The following PID1 variants were observed in gnomAD, a reference collection of about 807,000 sequenced individuals.
PID1 encodes the protein phosphotyrosine interaction domain containing 1.
PID1 carries 10 observed loss-of-function variants against 19.1 expected under a neutral mutation model. The ratio of observed to expected loss-of-function variants is 0.52; its 90% CI spans 0.32 to 0.89. The LOEUF is 0.89. Among genes scored for constraint, PID1 ranks in the 40% least tolerant of loss-of-function variants. PID1 has a pLI of 0.03. For synonymous variants in PID1, 130 were observed against 116.0 expected, an observed-to-expected ratio of 1.12 and a Z score of -0.78; for missense variants, 248 against 285.3, an observed-to-expected ratio of 0.87 and a Z score of 0.94.
chr2:229,087,398 C>A (rs1310040573), intron 2 of PID1, among the ~76,000 whole-genome samples: 1 of 152,154 alleles, frequency 6.6e-6, no homozygotes, highest in African/African-American at 2.4e-5. Context: ...CCAATCTATG[C>A]TGTTAGAAAC....
At chr2:229,163,296 T>C (rs566370132) in intron 1 of PID1, among the ~76,000 whole-genome samples, 1 of 152,294 alleles carries the variant, frequency 6.6e-6, no homozygotes, top group Admixed American at 6.5e-5. Context: ...CCTACACCAA[T>C]TTGGCATTTA....
chr2:229,109,665 T>C lies in PID1; in HGVS notation c.177+46153A>G, dbSNP rs73998554. ...CAGGAAACTGAGATATTGTCTACTT[T>C]TGTTACAATTATTTGACATAATCAT... On this transcript the variant is annotated intron_variant, in intron 2 of 2. Coordinates refer to ENST00000392055, the MANE Select transcript of PID1 (RefSeq NM_001100818.2). 3.1e-3 allele frequency among the ~76,000 whole-genome samples: 465 copies of C among 152,366 alleles called. 5 individuals carry two copies. The highest frequency in any genetic ancestry group is 0.011 in the African/African-American group (443 of 41,582).
chr2:229,094,324 G>A (rs1295551663), intron 2 of PID1, among the ~76,000 whole-genome samples: 2 of 151,990 alleles, frequency 1.3e-5, no homozygotes, highest in Non-Finnish European at 2.9e-5. Context: ...CCATCCCATG[G>A]CCATGGATTA....
At chr2:229,179,024 C>A (rs1248435359) in intron 1 of PID1, among the ~76,000 whole-genome samples, 1 of 152,148 alleles carries the variant, frequency 6.6e-6, no homozygotes, top group African/African-American at 2.4e-5. Context: ...ATCCCTTTAA[C>A]CACTAACTCT....
intron 1 of PID1, among the ~76,000 whole-genome samples, chr2:229,160,803 A>C (rs913292549): frequency 3.3e-5 from 5 of 152,186 alleles, no homozygotes; most frequent in African/African-American, 4.8e-5. Flanking sequence ...AGGGAAATAA[A>C]ATGTGGATTG....
rs1693373872 is a variant in PID1, at chr2:229,024,765, C to G, written c.*867G>C. The G allele has an allele frequency of 6.6e-6, 1 of 152,618 alleles. No homozygotes were observed. The highest frequency in any genetic ancestry group is 2.1e-4 in the South Asian group (1 of 4,834). 9.5% of individuals were successfully genotyped at this position (152,618 alleles called of 1,614,324 possible). A position where few individuals can be genotyped will look rare whatever the true frequency, so the allele number is the denominator to read the frequency against. ...ATAGAGTGTGTTCACTTGCTGATCA[C>G]TTATTCCTCTTTGCCAAGGCTTCTG... On this transcript the variant is annotated 3_prime_UTR_variant, in exon 3 of 3. Coordinates refer to ENST00000392055, the MANE Select transcript of PID1 (RefSeq NM_001100818.2).
intron 2 of PID1, among the ~76,000 whole-genome samples, chr2:229,057,310 G>T (rs1694123243): frequency 6.6e-6 from 1 of 151,992 alleles, no homozygotes. Context: ...GATCGTGGGT[G>T]CCTGTAATCC....
At chr2:229,077,150 A>G (rs1694574555) in intron 2 of PID1, among the ~76,000 whole-genome samples, 1 of 152,140 alleles carries the variant, frequency 6.6e-6, no homozygotes, top group Admixed American at 6.5e-5. Context: ...ACCAGTGATG[A>G]TGAGTTCTTT....
chr2:229,089,414 T>C (rs1489837579), intron 2 of PID1, among the ~76,000 whole-genome samples: 1 of 152,208 alleles, frequency 6.6e-6, no homozygotes, highest in Non-Finnish European at 1.5e-5. Context: ...TGTATCAACC[T>C]TGAATAGACT....
At chr2:229,247,549 AAAATATTTC>A (rs1317984446) in intron 1 of PID1, among the ~76,000 whole-genome samples, 1 of 152,240 alleles carries the variant, frequency 6.6e-6, no homozygotes, top group African/African-American at 2.4e-5. Context: ...TGGAAATAGC[AAAATATTTC>A]TTTACAATTG....
chr2:229,139,027 G>C (rs1395176580), intron 2 of PID1, among the ~76,000 whole-genome samples: 1 of 79,368 alleles, frequency 1.3e-5, no homozygotes, highest in Non-Finnish European at 2.8e-5. Context: ...AAGAAAGAAA[G>C]AAAGAAAGAA....
At chr2:229,145,155 G>GTGTATATATATATATA (rs1391018424) in intron 2 of PID1, among the ~76,000 whole-genome samples, 45 of 119,912 alleles carry the variant, frequency 3.8e-4, no homozygotes, top group African/African-American at 1.4e-3. Context: ...ATATGTATGT[G>GTGTATATATATATATA]TATATATATA....
chr2:229,262,753 G>A, intron 1 of PID1: 1 of 1,551,624 alleles, frequency 6.4e-7, no homozygotes, highest in Middle Eastern at 1.7e-4. Flanking sequence ...CTCTGGAGAA[G>A]AACATGTCCT....
At chr2:229,143,252 T>C (rs999220458) in intron 2 of PID1, among the ~76,000 whole-genome samples, 1 of 150,210 alleles carries the variant, frequency 6.7e-6, no homozygotes, top group Non-Finnish European at 1.5e-5. Context: ...TGCTAAATGA[T>C]GAGTTAATGG....
intron 2 of PID1, among the ~76,000 whole-genome samples, chr2:229,107,354 C>T (rs1695197753): frequency 6.6e-6 from 1 of 151,950 alleles, no homozygotes; most frequent in Admixed American, 6.5e-5. Flanking sequence ...TTCTTAATCT[C>T]CAGGTACAAG....
chr2:229,119,498 T>C (rs2106156828), intron 2 of PID1, among the ~76,000 whole-genome samples: 1 of 152,298 alleles, frequency 6.6e-6, no homozygotes, highest in South Asian at 2.1e-4. Flanking sequence ...GTTCTTTATT[T>C]AAAGCCATCA....
chr2:229,223,529 C>T (rs1157741457), intron 1 of PID1, among the ~76,000 whole-genome samples: 1 of 152,182 alleles, frequency 6.6e-6, no homozygotes, highest in East Asian at 1.9e-4. Context: ...GGAAATCTAA[C>T]AAGTCTATAA....
At chr2:229,125,043 T>A (rs750439253) in intron 2 of PID1, among the ~76,000 whole-genome samples, 58 of 152,212 alleles carry the variant, frequency 3.8e-4, no homozygotes, top group Non-Finnish European at 6.3e-4. Flanking sequence ...TTTACCAATA[T>A]CGAGGTCCTA....
At chr2:229,095,363 C>A (rs1259925155) in intron 2 of PID1, among the ~76,000 whole-genome samples, 1 of 152,006 alleles carries the variant, frequency 6.6e-6, no homozygotes, top group African/African-American at 2.4e-5. Context: ...GTAGGTAAAC[C>A]TCTCTCAAAT....
Sources: gnomAD v4.1 joint callset for allele counts (sites outside exome capture counted in the v4.1 genomes callset) on GRCh38, gnomAD v4.1.1 for gene constraint, MANE v1.5 for transcripts, NCBI Gene and HGNC (gene_info 2026-07-23, HGNC 2026-07-21) for gene names.